The following KHDRBS2 variants were observed in gnomAD, a reference collection of about 807,000 sequenced individuals.
KHDRBS2 encodes KH RNA binding domain containing, signal transduction associated 2.
Under a neutral mutation model 44.3 loss-of-function variants are expected in KHDRBS2, and 26 were observed. The ratio of observed to expected loss-of-function variants is 0.59; its 90% confidence interval spans 0.43 to 0.81. The LOEUF (loss-of-function observed/expected upper bound fraction) is 0.81. KHDRBS2 is among the 40% of genes least tolerant of loss of function. The pLI, the probability that KHDRBS2 is intolerant of heterozygous loss-of-function variation, is 0.00. For missense variants in KHDRBS2, 476 were observed against 433.1 expected (o/e 1.10, Z -0.88); for synonymous variants, 194 against 151.1 (o/e 1.28, Z -2.08).
chr6:61,901,459 C>A (rs1360121539), intron 4 of KHDRBS2, 88 bp from the exon 5 acceptor site: 2 of 740,270 alleles, frequency 2.7e-6, no homozygotes, highest in Non-Finnish European at 1.9e-6. Context: ...AAACAAAACG[C>A]AATAGGAAAT....
intron 4 of KHDRBS2, among the ~76,000 whole-genome samples, chr6:61,975,535 T>C (rs1772413883): frequency 6.6e-6 from 1 of 151,958 alleles, no homozygotes; most frequent in South Asian, 2.1e-4. Flanking sequence ...GCAAGGCAAA[T>C]GGGATAAATT....
intron 2 of KHDRBS2, among the ~76,000 whole-genome samples, chr6:62,151,831 C>G (rs1815264175): frequency 6.6e-6 from 1 of 152,158 alleles, no homozygotes; most frequent in Admixed American, 6.5e-5. Context: ...TGTAACGCAG[C>G]AAATATCAAT....
At chr6:61,894,530 A>G (rs1285063326) in intron 6 of KHDRBS2, 105 bp downstream of exon 6, 1 of 890,240 alleles carries the variant, frequency 1.1e-6, no homozygotes, top group African/African-American at 1.7e-5. Flanking sequence ...CGTTTCTGCA[A>G]CAAACATTAC....
intron 1 of KHDRBS2, among the ~76,000 whole-genome samples, chr6:62,263,203 T>C (rs1838652178): frequency 6.6e-6 from 1 of 151,718 alleles, no homozygotes; most frequent in Non-Finnish European, 1.5e-5. Context: ...TTCAGTGCTA[T>C]GAAATTTTCA....
the KHDRBS2 span, among the ~76,000 whole-genome samples, chr6:61,610,890 A>G: frequency 1.3e-5 from 2 of 152,190 alleles, no homozygotes; most frequent in African/African-American, 4.8e-5. Context: ...CCACTCTTAT[A>G]ACTTAATAAT....
chr6:62,022,690 A>G (rs1409002590), intron 3 of KHDRBS2, among the ~76,000 whole-genome samples: 1 of 151,718 alleles, frequency 6.6e-6, no homozygotes, highest in Non-Finnish European at 1.5e-5. Flanking sequence ...TTTTAGTTTC[A>G]AACTTACCAT....
the KHDRBS2 span, among the ~76,000 whole-genome samples, chr6:61,576,659 A>C: frequency 2.6e-5 from 4 of 152,282 alleles, no homozygotes; most frequent in South Asian, 8.3e-4. Context: ...AGCTTTATTG[A>C]GATGTAGCTG....
intron 4 of KHDRBS2, among the ~76,000 whole-genome samples, chr6:61,916,823 A>T (rs1372907800): frequency 6.6e-6 from 1 of 151,912 alleles, no homozygotes; most frequent in African/African-American, 2.4e-5. Flanking sequence ...TAAGTGTATG[A>T]AAAGATGCTC....
rs571366078 is a variant in KHDRBS2 at position 61,705,428 on chromosome 6, G to A, written c.894-8175C>T. Among the ~76,000 whole-genome samples, 4 of 151,846 alleles carry A rather than the reference G, an allele frequency of 2.6e-5. No individual in the cohort carries two copies. The East Asian group carries it at 7.8e-4, about 30-fold the overall frequency. On this transcript the variant is annotated intron_variant, in intron 7 of 8. Coordinates refer to ENST00000281156, the MANE Select transcript of KHDRBS2 (RefSeq NM_152688.4). ...CTTGGTACACACCAAACACTGCTAA[G>A]AGGTTTACATAACCTTTCTTATTTA...
At chr6:62,236,169 T>C (rs1363490239) in intron 1 of KHDRBS2, among the ~76,000 whole-genome samples, 1 of 152,102 alleles carries the variant, frequency 6.6e-6, no homozygotes, top group African/African-American at 2.4e-5. Flanking sequence ...TATAAACTGC[T>C]TATTATTTAG....
At chr6:62,278,821 G>A (rs1225920074) in intron 1 of KHDRBS2, among the ~76,000 whole-genome samples, 13 of 152,098 alleles carry the variant, frequency 8.5e-5, no homozygotes, top group East Asian at 1.9e-4. Flanking sequence ...ACGGCCAGGC[G>A]TGGTGGCTCA....
intron 2 of KHDRBS2, among the ~76,000 whole-genome samples, chr6:62,093,108 C>T (rs1471587573): frequency 2.0e-5 from 3 of 151,494 alleles, no homozygotes; most frequent in East Asian, 3.9e-4. Context: ...AAATCCTCTA[C>T]TTTTAATTAA....
chr6:61,880,048 T>C (rs912133982), intron 6 of KHDRBS2, among the ~76,000 whole-genome samples: 3 of 151,910 alleles, frequency 2.0e-5, no homozygotes, highest in African/African-American at 7.2e-5. Flanking sequence ...TTAGATTTTT[T>C]GAGGCTCAAC....
chr6:61,771,387 C>G (rs538079004), intron 6 of KHDRBS2, among the ~76,000 whole-genome samples: 81 of 152,168 alleles, frequency 5.3e-4, no homozygotes, highest in Non-Finnish European at 9.4e-4. Context: ...AAGACACAGA[C>G]TGGCAAATTG....
chr6:61,955,438 G>A (rs1204384391), intron 4 of KHDRBS2, among the ~76,000 whole-genome samples: 1 of 65,430 alleles, frequency 1.5e-5, no homozygotes, highest in Non-Finnish European at 3.8e-5. Context: ...GTATGTGTAT[G>A]TATACATATG....
intron 3 of KHDRBS2, among the ~76,000 whole-genome samples, chr6:62,032,901 G>A (rs1418074684): frequency 6.6e-6 from 1 of 151,924 alleles, no homozygotes; most frequent in Non-Finnish European, 1.5e-5. Context: ...GAGAAACAGA[G>A]ATATGTGACC....
Position 62,172,608 on chromosome 6 carries a change from A to G in KHDRBS2, c.219+4577T>C, listed in dbSNP as rs1221239917. Among the ~76,000 whole-genome samples, 4 of 146,522 alleles carry G rather than the reference A, an allele frequency of 2.7e-5. No individual in the cohort carries two copies. The Admixed American group carries it at 2.8e-4, about 10-fold the overall frequency. ...CTAATAGACATCTAAAGAACTCTCT[A>G]CCCCAAAATTTCAAAATATATATTT... On this transcript the variant is annotated intron_variant, in intron 2 of 8. Coordinates refer to ENST00000281156, the MANE Select transcript of KHDRBS2 (RefSeq NM_152688.4).
At position 62,195,606 on chromosome 6, in the gene KHDRBS2, T is replaced by G. The variant is rs377169862; in HGVS notation, c.92-18294A>C. 4.7e-3 allele frequency among the ~76,000 whole-genome samples: 716 copies of G among 152,268 alleles called. 10 individuals carry two copies. The highest frequency in any genetic ancestry group is 0.016 in the African/African-American group (680 of 41,572). On this transcript the variant is annotated intron_variant, in intron 1 of 8. Coordinates refer to ENST00000281156, the MANE Select transcript of KHDRBS2 (RefSeq NM_152688.4). ...AATTAAAATTAATACTGTGAAATAATGGCAGCACTCAGAGACTCTTTTCTG... is the reference window on the plus strand; with the variant it reads ...AATTAAAATTAATACTGTGAAATAAGGGCAGCACTCAGAGACTCTTTTCTG...
chr6:61,681,825 T>C (rs1338846556), intron 8 of KHDRBS2, among the ~76,000 whole-genome samples: 1 of 151,766 alleles, frequency 6.6e-6, no homozygotes, highest in Non-Finnish European at 1.5e-5. Context: ...CTGTGGAAAA[T>C]AGCTATTGTA....
Sources: gnomAD v4.1 joint callset for allele counts (sites outside exome capture counted in the v4.1 genomes callset) on GRCh38, gnomAD v4.1.1 for gene constraint, MANE v1.5 for transcripts, NCBI Gene and HGNC (gene_info 2026-07-23, HGNC 2026-07-21) for gene names.